The following SYCE1L variants were observed in gnomAD, a reference collection of about 807,000 sequenced individuals.
SYCE1L encodes the protein synaptonemal complex central element protein 1-like.
A neutral mutation model predicts 39.6 loss-of-function variants in SYCE1L; 51 were observed. The observed-to-expected ratio is 1.29, with a 90% CI of 1.03 to 1.63. SYCE1L has a LOEUF of 1.63. SYCE1L is among the 40% of genes most tolerant of loss of function. The pLI is 0.00. For missense variants in SYCE1L, 426 were observed against 304.9 expected, an observed-to-expected ratio of 1.40 and a Z score of -2.96; for synonymous variants, 147 against 122.4, an observed-to-expected ratio of 1.20 and a Z score of -1.33.
rs1266265195 is a variant in SYCE1L, at chr16:77,212,365, G to A, written c.577G>A (p.Asp193Asn). Residue 193 changes from aspartate (D) to asparagine (N), a missense_variant, in exon 9 of 11, where the codon GAC becomes AAC. Asp to Asn is a conservative substitution (Grantham distance 23). Coordinates refer to ENST00000378644, the MANE Select transcript of SYCE1L (RefSeq NM_001129979.3). ...PEVEGAMAVN[D>N]GLKAELEIFG... ...GGTCGAGGGCGCCATGGCGGTGAATGACGGGTGAGAGGGGAAGGGAGGAGT... is the reference window on the plus strand; with the variant it reads ...GGTCGAGGGCGCCATGGCGGTGAATAACGGGTGAGAGGGGAAGGGAGGAGT... 2 of 1,528,416 alleles carry A rather than the reference G, an allele frequency of 1.3e-6. No individual in the cohort carries two copies. Among genetic ancestry groups the A allele is most frequent in the Admixed American group, 4.4e-5 (2 of 45,796 alleles). 94.7% of individuals were successfully genotyped at this position (1,528,416 alleles called of 1,614,324 possible).
rs775365378 is a variant in SYCE1L, at chr16:77,212,267, C to T, written c.494-15C>T. 3.0e-5 allele frequency: 46 copies of T among 1,518,076 alleles called. 2 individuals carry two copies. The South Asian group carries it at 5.6e-4, about 18-fold the overall frequency. The allele number at this position is 1,518,076 out of a possible 1,614,324, so 94.0% of individuals were successfully genotyped here. ...CCGGGCCTCGGCCCTGCCCCTGACG[C>T]CCGCCCACCGACAGGGAGGCTGGTG... On this transcript the variant is annotated splice_polypyrimidine_tract_variant and intron_variant, in intron 8 of 10. Transcript: ENST00000378644.
intron 1 of SYCE1L, among the ~76,000 whole-genome samples, chr16:77,203,810 G>A (rs146017636): frequency 1.1e-3 from 160 of 151,980 alleles, no homozygotes; most frequent in African/African-American, 3.6e-3. Flanking sequence ...GGCCAAGCTG[G>A]TCTCGAACTC....
intron 4 of SYCE1L, among the ~76,000 whole-genome samples, chr16:77,208,823 G>A (rs2054803830): frequency 6.6e-6 from 1 of 152,200 alleles, no homozygotes; most frequent in African/African-American, 2.4e-5. Flanking sequence ...GACACTGTGT[G>A]TGTATTTCTT....
chr16:77,212,875 C>A lies in SYCE1L; in HGVS notation c.673C>A (p.Arg225Ser). ...CCGGCAGGCCGGACCTGAGCTCCCC[C>A]GCGCTCGCGACGAGGAGGATCCCGA... ...GEGEAGPELP[R>S]ARDEEDPEPP... The change falls in exon 11 of 11, where the codon CGC becomes AGC. Residue 225 changes from arginine to serine, a missense_variant. Physicochemically the swap from Arg to Ser is moderately radical, Grantham distance 110. Transcript: ENST00000378644. 3.3e-6 allele frequency: 5 copies of A among 1,520,948 alleles called. No individual in the cohort carries two copies. Among genetic ancestry groups the A allele is most frequent in the Non-Finnish European group, 3.5e-6 (4 of 1,136,414 alleles). 94.2% of individuals were successfully genotyped at this position (1,520,948 alleles called of 1,614,324 possible). A position where few individuals can be genotyped will look rare whatever the true frequency, so the allele number is the denominator to read the frequency against.
intron 1 of SYCE1L, 40 bp from the exon 2 acceptor site, chr16:77,206,401 C>G: frequency 6.5e-7 from 1 of 1,541,706 alleles, no homozygotes; most frequent in Non-Finnish European, 8.8e-7. Flanking sequence ...TCCCCTCTCA[C>G]TCTCGCTGTG....
At chr16:77,212,764 GA>G in intron 10 of SYCE1L, 92 bp from the exon 11 acceptor site, 1 of 1,420,314 alleles carries the variant, frequency 7.0e-7, no homozygotes, top group Non-Finnish European at 9.2e-7. Context: ...CGGCCCCGGG[GA>G]CAGAGGAAGC....
In SYCE1L at chr16:77,205,884, C is replaced by T. The variant is rs141229995; in HGVS notation, c.62-557C>T. Among the ~76,000 whole-genome samples the T allele has an allele frequency of 7.0e-3, 1,069 of 152,136 alleles. 14 individuals are homozygous for T. Among genetic ancestry groups the T allele is most frequent in the African/African-American group, 0.025 (1,019 of 41,496 alleles). Reference sequence around the variant, plus strand: ...CCTGAGCTGCAGTCCTCAAACTTAGCTGAAACAAACTCTCTATATTAAAAA... The same window carrying T: ...CCTGAGCTGCAGTCCTCAAACTTAGTTGAAACAAACTCTCTATATTAAAAA... On this transcript the variant is annotated intron_variant, in intron 1 of 10. Transcript: ENST00000378644.
chr16:77,199,993 G>A, intron 1 of SYCE1L: 1 of 140,420 alleles, frequency 7.1e-6, no homozygotes. Flanking sequence ...GGGTGGAGGG[G>A]TGTCGGCCTA....
In SYCE1L at chr16:77,208,549, G is replaced by A; in HGVS notation, c.256+10G>A. On this transcript the variant is annotated intron_variant, in intron 4 of 10. Coordinates refer to ENST00000378644, the MANE Select transcript of SYCE1L (RefSeq NM_001129979.3). ...AGGGAATTAGACTCCTGTAAGTGGG[G>A]CCAAAAGAGGGACCCATCAACACTG... 6.4e-7 allele frequency: 1 copy of A among 1,551,494 alleles called. No individual in the cohort carries two copies. The highest frequency in any genetic ancestry group is 8.7e-7 in the Non-Finnish European group (1 of 1,146,850).
rs112510851 is a variant in SYCE1L at position 77,202,850 on chromosome 16, C to T, written c.61+3338C>T. On this transcript the variant is annotated intron_variant, in intron 1 of 10. Coordinates refer to ENST00000378644, the MANE Select transcript of SYCE1L (RefSeq NM_001129979.3). ...ATGATTGTCAGATCTAGGCAATGAG[C>T]ATATCAGAGTTAATCATAATATCCT... Among the ~76,000 whole-genome samples the T allele has an allele frequency of 7.9e-3, 1,011 of 127,776 alleles. 9 individuals are homozygous for T. The highest frequency in any genetic ancestry group is 0.023 in the African/African-American group (934 of 39,886). The allele number at this position is 127,776 out of a possible 152,430, so 83.8% of individuals were successfully genotyped here.
chr16:77,210,925 A>C (rs907892196), intron 6 of SYCE1L, among the ~76,000 whole-genome samples: 1 of 152,154 alleles, frequency 6.6e-6, no homozygotes, highest in East Asian at 1.9e-4. Flanking sequence ...GCATGGAACA[A>C]ATTTTTGCCC....
intron 1 of SYCE1L, among the ~76,000 whole-genome samples, chr16:77,204,497 C>G (rs1486147220): frequency 1.3e-5 from 2 of 152,054 alleles, no homozygotes; most frequent in Non-Finnish European, 2.9e-5. Flanking sequence ...CAGGGAAGAC[C>G]CAGTTTGTGG....
intron 1 of SYCE1L, among the ~76,000 whole-genome samples, chr16:77,202,954 T>C (rs533249243): frequency 7.9e-6 from 1 of 126,622 alleles, no homozygotes; most frequent in Admixed American, 8.1e-5. Flanking sequence ...CCCCTTGTTA[T>C]TAAAGTAGCT....
At chr16:77,212,695 A>G (rs1318608347) in intron 10 of SYCE1L, 49 bp downstream of exon 10, 6 of 1,486,288 alleles carry the variant, frequency 4.0e-6, no homozygotes, top group Non-Finnish European at 5.3e-6. Context: ...CCGAGTCAGG[A>G]GAGAGCGGGC....
chr16:77,209,506 T>C (rs887605310), intron 6 of SYCE1L, 35 bp downstream of exon 6: 1 of 1,550,142 alleles, frequency 6.5e-7, no homozygotes, highest in African/African-American at 1.4e-5. Context: ...CCCTACCTCA[T>C]TCCCCAGCTG....
At chr16:77,211,315 C>T in intron 7 of SYCE1L, 39 bp downstream of exon 7, 1 of 1,549,604 alleles carries the variant, frequency 6.5e-7, no homozygotes, top group South Asian at 1.2e-5. Flanking sequence ...AGCCACTCCT[C>T]CCTGGCTTTA....
intron 1 of SYCE1L, chr16:77,200,252 A>G (rs28447585): frequency 8.5e-5 from 9 of 105,584 alleles, no homozygotes; most frequent in Admixed American, 5.6e-4. Context: ...ATATATGTAT[A>G]TGTGTATATA....
intron 1 of SYCE1L, chr16:77,201,733 C>G (rs933871726): frequency 6.6e-6 from 1 of 151,856 alleles, no homozygotes; most frequent in African/African-American, 2.4e-5. Context: ...TGTGGAGTGT[C>G]TCTGTGGTGG....
chr16:77,203,938 G>A (rs189075759), intron 1 of SYCE1L, among the ~76,000 whole-genome samples: 5 of 151,972 alleles, frequency 3.3e-5, no homozygotes, highest in Admixed American at 6.5e-5. Flanking sequence ...ACAACATCTC[G>A]CCCACCATTA....
Sources: allele counts gnomAD v4.1 joint callset (sites outside exome capture counted in the v4.1 genomes callset), GRCh38; gene constraint gnomAD v4.1.1; transcripts MANE v1.5; gene names NCBI Gene and HGNC (gene_info 2026-07-23, HGNC 2026-07-21).